UBE2E2: variants seen among roughly 807,000 people sequenced by gnomAD.
The protein encoded by UBE2E2 is ubiquitin conjugating enzyme E2 E2.
In UBE2E2, 6 loss-of-function variants were observed where a neutral mutation model predicts 24.7. The observed-to-expected ratio is 0.24, with a 90% CI of 0.13 to 0.48. UBE2E2 has a LOEUF of 0.48. Among genes scored for constraint, UBE2E2 ranks in the 20% least tolerant of loss-of-function variants. The probability of loss-of-function intolerance (pLI) is 0.99; values close to 1 mark genes in which losing one functional copy is unlikely to be tolerated. For synonymous variants in UBE2E2, 104 were observed against 83.6 expected (o/e 1.24, Z -1.33); for missense variants, 169 against 245.0 (o/e 0.69, Z 2.07).
At chr3:23,348,806 G>C (rs1021873605) in intron 3 of UBE2E2, among the ~76,000 whole-genome samples, 1 of 138,312 alleles carries the variant, frequency 7.2e-6, no homozygotes, top group South Asian at 2.3e-4. Context: ...GTTTCTCTGG[G>C]TATGGCCTGC....
intron 5 of UBE2E2, among the ~76,000 whole-genome samples, chr3:23,545,893 G>A (rs1695511981): frequency 6.6e-6 from 1 of 152,120 alleles, no homozygotes; most frequent in South Asian, 2.1e-4. Context: ...TTTATTCTAA[G>A]TGAAGTAACT....
intron 3 of UBE2E2, among the ~76,000 whole-genome samples, chr3:23,224,740 T>C (rs1056970557): frequency 2.6e-5 from 4 of 152,154 alleles, no homozygotes; most frequent in African/African-American, 9.7e-5. Flanking sequence ...TTTCTTCTCA[T>C]CAATTGATGG....
At chr3:23,303,010 C>G (rs992262336) in intron 3 of UBE2E2, among the ~76,000 whole-genome samples, 3 of 152,212 alleles carry the variant, frequency 2.0e-5, no homozygotes, top group Non-Finnish European at 2.9e-5. Context: ...GCCAGTGAAG[C>G]TTCATGTGTA....
intron 3 of UBE2E2, among the ~76,000 whole-genome samples, chr3:23,284,769 A>G (rs1361594997): frequency 6.6e-6 from 1 of 151,722 alleles, no homozygotes; most frequent in Admixed American, 6.6e-5. Context: ...ATGTATAATA[A>G]TCACATCAGA....
At chr3:23,488,256 C>G (rs1038179213) in intron 3 of UBE2E2, among the ~76,000 whole-genome samples, 2 of 149,438 alleles carry the variant, frequency 1.3e-5, no homozygotes, top group South Asian at 4.2e-4. Context: ...GCAGAACGTG[C>G]AGTTTTTTGT....
chr3:23,564,388 G>A lies in UBE2E2; in HGVS notation c.509-25346G>A, dbSNP rs967602409. Among the ~76,000 whole-genome samples the A allele has an allele frequency of 9.9e-5, 15 of 152,166 alleles. No individual in the cohort carries two copies. In the East Asian group the frequency reaches 1.2e-3, roughly 12 times the overall value. On this transcript the variant is annotated intron_variant, in intron 5 of 5. Transcript: ENST00000396703. ...AAGGGGATGAATTAAACTTTATAAG[G>A]CTGCTATAAAAAGAACTATTTTAGA... is the stretch of plus-strand genomic sequence containing the variant.
At chr3:23,240,052 T>A (rs1322083379) in intron 3 of UBE2E2, among the ~76,000 whole-genome samples, 1 of 152,194 alleles carries the variant, frequency 6.6e-6, no homozygotes, top group Non-Finnish European at 1.5e-5. Context: ...AGGAGCCTGG[T>A]TAAAGTTTGG....
intron 3 of UBE2E2, among the ~76,000 whole-genome samples, chr3:23,282,444 A>G (rs1285068968): frequency 6.6e-6 from 1 of 152,232 alleles, no homozygotes; most frequent in African/African-American, 2.4e-5. Context: ...TTTTAATAAA[A>G]GCAAAGCACA....
chr3:23,274,513 G>A (rs1698331542), intron 3 of UBE2E2, among the ~76,000 whole-genome samples: 1 of 151,846 alleles, frequency 6.6e-6, no homozygotes, highest in Non-Finnish European at 1.5e-5. Context: ...GCACCACCAT[G>A]CCTGGCTAAT....
At chr3:23,261,286 T>G (rs1490400775) in intron 3 of UBE2E2, among the ~76,000 whole-genome samples, 1 of 152,064 alleles carries the variant, frequency 6.6e-6, no homozygotes, top group African/African-American at 2.4e-5. Context: ...AGAAAAAGTT[T>G]TTGTTTTCCT....
intron 3 of UBE2E2, among the ~76,000 whole-genome samples, chr3:23,305,351 G>A (rs543239468): frequency 6.6e-6 from 1 of 152,302 alleles, no homozygotes; most frequent in Admixed American, 6.5e-5. Flanking sequence ...CTTTATGCAT[G>A]CTCAAAGGAT....
At chr3:23,409,873 C>T (rs1208408698) in intron 3 of UBE2E2, among the ~76,000 whole-genome samples, 3 of 152,158 alleles carry the variant, frequency 2.0e-5, no homozygotes, top group African/African-American at 7.2e-5. Context: ...CTGTCTCTGT[C>T]ATCACACAGC....
chr3:23,269,215 A>G (rs990479184), intron 3 of UBE2E2, among the ~76,000 whole-genome samples: 2 of 145,822 alleles, frequency 1.4e-5, no homozygotes, highest in South Asian at 2.2e-4. Context: ...ATCTAATTAA[A>G]CTAAAGAACT....
At chr3:23,328,348 G>A (rs1694962590) in intron 3 of UBE2E2, among the ~76,000 whole-genome samples, 1 of 152,136 alleles carries the variant, frequency 6.6e-6, no homozygotes, top group Non-Finnish European at 1.5e-5. Flanking sequence ...TGGTGCAAAA[G>A]TGATAAACAT....
chr3:23,422,201 T>C (rs1033177743), intron 3 of UBE2E2, among the ~76,000 whole-genome samples: 2 of 152,298 alleles, frequency 1.3e-5, no homozygotes, highest in East Asian at 3.9e-4. Flanking sequence ...AGAGAATCTT[T>C]TAAGAGAAAC....
chr3:23,224,750 G>T (rs1476578168), intron 3 of UBE2E2, among the ~76,000 whole-genome samples: 1 of 151,944 alleles, frequency 6.6e-6, no homozygotes. Flanking sequence ...TCAATTGATG[G>T]ATATTTATAT....
intron 3 of UBE2E2, among the ~76,000 whole-genome samples, chr3:23,380,975 G>T (rs1218533053): frequency 6.6e-6 from 1 of 152,166 alleles, no homozygotes; most frequent in South Asian, 2.1e-4. Context: ...TTCATCTTCA[G>T]TAGTCTTGTT....
chr3:23,494,348 C>G (rs1170095373), intron 3 of UBE2E2, among the ~76,000 whole-genome samples: 1 of 152,120 alleles, frequency 6.6e-6, no homozygotes, highest in Non-Finnish European at 1.5e-5. Context: ...ATTACCATTT[C>G]AACATGTAGT....
chr3:23,357,654 C>A (rs898756514), intron 3 of UBE2E2, among the ~76,000 whole-genome samples: 15 of 151,918 alleles, frequency 9.9e-5, no homozygotes, highest in African/African-American at 3.6e-4. Flanking sequence ...GCTTCTGTTT[C>A]CAGAAAACAG....
Sources: gnomAD v4.1 joint callset for allele counts (sites outside exome capture counted in the v4.1 genomes callset) on GRCh38, gnomAD v4.1.1 for gene constraint, MANE v1.5 for transcripts, NCBI Gene and HGNC (gene_info 2026-07-23, HGNC 2026-07-21) for gene names.